Variants in EIF3A observed in about 807,000 individuals in gnomAD.
EIF3A encodes the protein eukaryotic translation initiation factor 3 subunit A.
Under a neutral mutation model 186.6 loss-of-function variants are expected in EIF3A, and 21 were observed. The observed-to-expected ratio is 0.11, with a 90% CI of 0.08 to 0.16. EIF3A has a LOEUF of 0.16. EIF3A is among the 10% of genes least tolerant of loss of function. The pLI, the probability that EIF3A is intolerant of heterozygous loss-of-function variation, is 1.00. For synonymous variants in EIF3A, 563 were observed against 584.3 expected (o/e 0.96, Z 0.52); for missense variants, 1,306 against 1,796.3 (o/e 0.73, Z 4.93).
intron 1 of EIF3A, among the ~76,000 whole-genome samples, chr10:119,076,762 C>T (rs1844180972): frequency 6.6e-6 from 1 of 151,838 alleles, no homozygotes; most frequent in South Asian, 2.1e-4. Flanking sequence ...ATGGTGAAAC[C>T]TTGTCTCCAC....
chr10:119,064,516 T>C lies in EIF3A; in HGVS notation c.1122+883A>G, dbSNP rs536592041. Among the ~76,000 whole-genome samples the C allele has an allele frequency of 5.9e-4, 90 of 152,250 alleles. 3 individuals are homozygous for C. The South Asian group carries it at 0.017, about 29-fold the overall frequency. On this transcript the variant is annotated intron_variant, in intron 7 of 21. Coordinates refer to ENST00000369144, the MANE Select transcript of EIF3A (RefSeq NM_003750.4). ...TCTGGTGTTGTTTAAAAGTGTGTGG[T>C]ACCTTCCCCCTCTGTCTTCCTCCTG...
chr10:119,080,537 C>T, intron 1 of EIF3A, 91 bp downstream of exon 1: 1 of 1,450,152 alleles, frequency 6.9e-7, no homozygotes. Context: ...CCGCGCGGGC[C>T]GGGCGGCGGA....
intron 16 of EIF3A, 73 bp from the exon 17 acceptor site, chr10:119,050,058 G>T: frequency 1.4e-6 from 2 of 1,403,834 alleles, no homozygotes; most frequent in East Asian, 2.3e-5. Flanking sequence ...CCACTTTTCT[G>T]GTATTAAACA....
At chr10:119,045,118 T>C (rs1589686335) in intron 17 of EIF3A, among the ~76,000 whole-genome samples, 1 of 152,138 alleles carries the variant, frequency 6.6e-6, no homozygotes, top group East Asian at 1.9e-4. Context: ...CTAATTTTTA[T>C]ATTTTTAGTA....
intron 11 of EIF3A, 119 bp downstream of exon 11, chr10:119,059,093 G>A (rs1843838851): frequency 2.5e-6 from 2 of 798,804 alleles, no homozygotes; most frequent in Non-Finnish European, 4.1e-6. Context: ...AATTCTATAG[G>A]AAACATATCA....
At chr10:119,037,480 A>C (rs551768815) in intron 20 of EIF3A, among the ~76,000 whole-genome samples, 171 bp from the exon 21 acceptor site, 7 of 152,326 alleles carry the variant, frequency 4.6e-5, no homozygotes, top group African/African-American at 1.7e-4. Flanking sequence ...GAGAACACCC[A>C]GATCTGTGCC....
intron 6 of EIF3A, among the ~76,000 whole-genome samples, chr10:119,065,928 A>G (rs1589693533): frequency 2.6e-5 from 4 of 151,948 alleles, no homozygotes; most frequent in African/African-American, 9.7e-5. Context: ...CATCCTGGCT[A>G]ACACGGTGAA....
At chr10:119,039,847 A>C (rs1425338132) in intron 19 of EIF3A, among the ~76,000 whole-genome samples, 1 of 152,220 alleles carries the variant, frequency 6.6e-6, no homozygotes, top group Non-Finnish European at 1.5e-5. Context: ...CTTTAAACAC[A>C]AACACATAAA....
chr10:119,078,442 T>C (rs1844209820), intron 1 of EIF3A, among the ~76,000 whole-genome samples: 1 of 152,220 alleles, frequency 6.6e-6, no homozygotes, highest in African/African-American at 2.4e-5. Flanking sequence ...TAAATATTGT[T>C]AGGATCACAA....
chr10:119,080,778 C>A lies in EIF3A; in HGVS notation c.-102G>T. The stretch of plus-strand genomic sequence containing the variant: ...CCAGCGTAAGGTCCCACGCGCCTCG[C>A]CAGCAGTCGCCCGCGCCCAGCCGGC... On this transcript the variant is annotated 5_prime_UTR_variant, in exon 1 of 22. Coordinates refer to ENST00000369144, the MANE Select transcript of EIF3A (RefSeq NM_003750.4). 1 of 1,457,010 alleles carries A rather than the reference C, an allele frequency of 6.9e-7. No homozygotes were observed. 90.3% of individuals were successfully genotyped at this position (1,457,010 alleles called of 1,614,324 possible).
In EIF3A at chr10:119,038,220, T is replaced by C; in HGVS notation, c.3728+18A>G. 6.2e-7 allele frequency: 1 copy of C among 1,607,566 alleles called. No homozygotes were observed. The highest frequency in any genetic ancestry group is 8.5e-7 in the Non-Finnish European group (1 of 1,175,878). On this transcript the variant is annotated intron_variant, in intron 20 of 21. Coordinates refer to ENST00000369144, the MANE Select transcript of EIF3A (RefSeq NM_003750.4). ...ACTGCGCCCGGCCTCTACAAATAAT[T>C]TAATTAGAGCATCACACCTAGGTCT...
chr10:119,050,607 C>T lies in EIF3A; in HGVS notation c.2387G>A (p.Arg796Lys). The change falls in exon 16 of 22, where the codon AGG becomes AAG. Residue 796 changes from arginine (R) to lysine (K), a missense_variant. Arg to Lys is a conservative substitution (Grantham distance 26). Transcript: ENST00000369144. ...TATCCTGCGTTCTTCTTTACGCTGCCTTTTCCGTTCTTCCAATCGATTATG... is the reference window on the plus strand; with the variant it reads ...TATCCTGCGTTCTTCTTTACGCTGCTTTTTCCGTTCTTCCAATCGATTATG... Reference protein sequence around the residue: ...ERHNRLEERKRQRKEERRITY... With the variant: ...ERHNRLEERKKQRKEERRITY... 6.2e-7 allele frequency: 1 copy of T among 1,614,044 alleles called. No homozygotes were observed. The highest frequency in any genetic ancestry group is 8.5e-7 in the Non-Finnish European group (1 of 1,179,996).
At chr10:119,080,482 C>T in intron 1 of EIF3A, 146 bp downstream of exon 1, 2 of 1,390,680 alleles carry the variant, frequency 1.4e-6, no homozygotes, top group South Asian at 1.6e-5. Flanking sequence ...CATGCCCAAC[C>T]ACCGGCTGGG....
At position 119,065,490 on chromosome 10, in the gene EIF3A, A is replaced by G. The variant is rs1318157300; in HGVS notation, c.1031T>C (p.Met344Thr). The G allele has an allele frequency of 6.2e-7, 1 of 1,613,340 alleles. No individual in the cohort carries two copies. Among genetic ancestry groups the G allele is most frequent in the African/African-American group, 1.3e-5 (1 of 74,920 alleles). ...CTGTTTTTCAACTATAATGCCATCC[A>G]TATCCAGAAGTCGAGCAATATCCGT... ...ERTDIARLLD[M>T]DGIIVEKQRR... The change falls in exon 7 of 22, where the codon ATG becomes ACG. Residue 344 changes from methionine (M) to threonine (T), a missense_variant. By Grantham distance (81) the Met-to-Thr change is moderately conservative (BLOSUM62 -1). Around this residue, in one of 8 missense-constraint regions of EIF3A, gnomAD observed 267 missense variants for 367.8 expected, o/e 0.73. Coordinates refer to ENST00000369144, the MANE Select transcript of EIF3A (RefSeq NM_003750.4).
intron 11 of EIF3A, 60 bp from the exon 12 acceptor site, chr10:119,058,363 T>A (rs755558028): frequency 9.2e-6 from 11 of 1,197,960 alleles, no homozygotes; most frequent in Non-Finnish European, 1.3e-5. Flanking sequence ...GTATTAGGCA[T>A]CAAAGAAATT....
At position 119,037,071 on chromosome 10, in the gene EIF3A, C is replaced by A. The variant is rs200178082; in HGVS notation, c.3919+48G>T. 6.8e-3 allele frequency: 6,634 copies of A among 973,288 alleles called. 516 individuals carry two copies. The highest frequency in any genetic ancestry group is 9.4e-3 in the Admixed American group (394 of 42,028). The allele number at this position is 973,288 out of a possible 1,614,324, so 60.3% of individuals were successfully genotyped here. A position where few individuals can be genotyped will look rare whatever the true frequency, so the allele number is the denominator to read the frequency against. ...TTAAATAACCCAAATCCCCCCCCCC[C>A]CAGAAACGACAGTTCTCCAATACTT... is the stretch of plus-strand genomic sequence containing the variant. On this transcript the variant is annotated intron_variant, in intron 21 of 21. Coordinates refer to ENST00000369144, the MANE Select transcript of EIF3A (RefSeq NM_003750.4).
At chr10:119,060,118 G>A (rs1434268413) in intron 9 of EIF3A, 1 of 506,324 alleles carries the variant, frequency 2.0e-6, no homozygotes, top group Non-Finnish European at 3.9e-6. Context: ...ATAAAAGAAA[G>A]CAGGTCAATG....
intron 14 of EIF3A, among the ~76,000 whole-genome samples, chr10:119,052,103 G>A (rs1268846158): frequency 6.6e-6 from 1 of 152,126 alleles, no homozygotes; most frequent in Non-Finnish European, 1.5e-5. Context: ...CTAGCATGTG[G>A]CACTGGTTGA....
intron 6 of EIF3A, among the ~76,000 whole-genome samples, chr10:119,067,386 T>C (rs1224338075): frequency 6.6e-6 from 1 of 152,068 alleles, no homozygotes; most frequent in Non-Finnish European, 1.5e-5. Flanking sequence ...ACCAGAAGCT[T>C]TGAGACCAGC....
Sources: gnomAD v4.1 joint callset for allele counts (sites outside exome capture counted in the v4.1 genomes callset) on GRCh38, gnomAD v4.1.1 for gene constraint, gnomAD v4.1.1 regional missense constraint, MANE v1.5 for transcripts, NCBI Gene and HGNC (gene_info 2026-07-23, HGNC 2026-07-21) for gene names.